SDHB: variants seen among roughly 807,000 people sequenced by gnomAD.
SDHB encodes succinate dehydrogenase complex iron sulfur subunit B.
Under a neutral mutation model 39.7 loss-of-function variants are expected in SDHB, and 21 were observed. The ratio of observed to expected loss-of-function variants is 0.53; its 90% CI spans 0.37 to 0.76. SDHB has a LOEUF of 0.76. Among genes scored for constraint, SDHB ranks in the 30% least tolerant of loss-of-function variants. SDHB has a pLI of 0.00. For missense variants in SDHB, 343 were observed against 350.9 expected (o/e 0.98, Z 0.18); for synonymous variants, 118 against 117.0 (o/e 1.01, Z -0.06).
chr1:17,029,733 T>C (rs1184557923), intron 3 of SDHB, among the ~76,000 whole-genome samples: 1 of 152,070 alleles, frequency 6.6e-6, no homozygotes, highest in Admixed American at 6.5e-5. Context: ...CTCTTCTTCT[T>C]TTTTTTTCTT....
chr1:17,022,221 G>C (rs2077965734), intron 7 of SDHB, among the ~76,000 whole-genome samples: 1 of 152,232 alleles, frequency 6.6e-6, no homozygotes, highest in African/African-American at 2.4e-5. Flanking sequence ...CTAGAGAGCA[G>C]AGCAGATTAG....
intron 2 of SDHB, among the ~76,000 whole-genome samples, chr1:17,034,553 G>C (rs1368005773): frequency 6.6e-6 from 1 of 151,814 alleles, no homozygotes; most frequent in East Asian, 1.9e-4. Context: ...GCAAATTTTT[G>C]TATTTTTAGT....
At chr1:17,032,850 C>T (rs887150415) in intron 3 of SDHB, 1 of 621,824 alleles carries the variant, frequency 1.6e-6, no homozygotes. Flanking sequence ...GGATAGAATG[C>T]TCCTGAAGGA....
rs201372280 is a variant in SDHB at position 17,028,644 on chromosome 1, T to G, written c.379A>C (p.Ile127Leu). The G allele has an allele frequency of 1.2e-6, 2 of 1,614,144 alleles. No individual in the cohort carries two copies. The highest frequency in any genetic ancestry group is 8.5e-7 in the Non-Finnish European group (1 of 1,180,008). ...IDTNLNKVSK[I>L]YPLPHMYVIK... Reference sequence around the variant, plus strand: ...ACATACATGTGTGGAAGAGGGTAGATTTTTGAGACCTTATTGAGGTTGGTG... The same window carrying G: ...ACATACATGTGTGGAAGAGGGTAGAGTTTTGAGACCTTATTGAGGTTGGTG... The change falls in exon 4 of 8, where the codon ATC (isoleucine) becomes CTC (leucine). Residue 127 changes from isoleucine to leucine, a missense_variant. Ile to Leu is a conservative substitution (Grantham distance 5). Transcript: ENST00000375499.
intron 2 of SDHB, among the ~76,000 whole-genome samples, chr1:17,039,046 T>TA (rs907352878): frequency 2.0e-5 from 3 of 152,156 alleles, no homozygotes; most frequent in Non-Finnish European, 2.9e-5. Context: ...TTGCTTTTTT[T>TA]AAAAAAATCT....
At chr1:17,022,152 G>A (rs1221218641) in intron 7 of SDHB, among the ~76,000 whole-genome samples, 4 of 152,220 alleles carry the variant, frequency 2.6e-5, no homozygotes, top group Non-Finnish European at 4.4e-5. Context: ...GAAGAGGAAC[G>A]AAAGCCAGAG....
intron 6 of SDHB, among the ~76,000 whole-genome samples, chr1:17,023,616 A>G (rs1557739818): frequency 6.6e-6 from 1 of 152,202 alleles, no homozygotes; most frequent in Admixed American, 6.5e-5. Flanking sequence ...CCCTTCAAAG[A>G]CACTGCTTTC....
At chr1:17,021,672 G>A (rs2077962693) in intron 7 of SDHB, among the ~76,000 whole-genome samples, 1 of 151,784 alleles carries the variant, frequency 6.6e-6, no homozygotes, top group Non-Finnish European at 1.5e-5. Context: ...TTGAACCTGG[G>A]AGGCGGAGGT....
chr1:17,022,634 T>C lies in SDHB; in HGVS notation c.739A>G (p.Met247Val), dbSNP rs200896502. 19 of 1,613,888 alleles carry C rather than the reference T, an allele frequency of 1.2e-5. No individual in the cohort carries two copies. Among genetic ancestry groups the C allele is most frequent in the Non-Finnish European group, 1.5e-5 (18 of 1,179,920 alleles). Reference sequence around the variant, plus strand: ...TTAGGACAGGTCCTTGTGCAGTTCATGATGGTGTGGCAGCGGTATAGAGAG... The same window carrying C: ...TTAGGACAGGTCCTTGTGCAGTTCACGATGGTGTGGCAGCGGTATAGAGAG... The part of the protein sequence containing the change: ...PFSLYRCHTI[M>V]NCTRTCPKGL... The change falls in exon 7 of 8, where the codon ATG becomes GTG. Residue 247 changes from methionine (M) to valine (V), a missense_variant. Physicochemically the swap from Met to Val is conservative, Grantham distance 21. Coordinates refer to ENST00000375499, the MANE Select transcript of SDHB (RefSeq NM_003000.3).
intron 2 of SDHB, among the ~76,000 whole-genome samples, chr1:17,042,909 G>A (rs1017944583): frequency 7.5e-6 from 1 of 133,822 alleles, no homozygotes; most frequent in South Asian, 2.5e-4. Flanking sequence ...AGTTAGAAGT[G>A]TACTTTTTTT....
chr1:17,028,643 A>C lies in SDHB; in HGVS notation c.380T>G (p.Ile127Ser), dbSNP rs786201095. 11 of 1,614,148 alleles carry C rather than the reference A, an allele frequency of 6.8e-6. No homozygotes were observed. The highest frequency in any genetic ancestry group is 9.3e-6 in the Non-Finnish European group (11 of 1,180,006). ...CACATACATGTGTGGAAGAGGGTAG[A>C]TTTTTGAGACCTTATTGAGGTTGGT... ...IDTNLNKVSK[I>S]YPLPHMYVIK... The change falls in exon 4 of 8, where the codon ATC becomes AGC. Residue 127 changes from isoleucine (I) to serine (S), a missense_variant. Transcript: ENST00000375499.
rs573231413 is a variant in SDHB at position 17,026,388 on chromosome 1, G to C, written c.540+1361C>G. ...TCTCTTTTCTTTTTTTCTTTGAGAC[G>C]GAGTCTTGCTCTGTTGCCCAGGCTG... On this transcript the variant is annotated intron_variant, in intron 5 of 7. Transcript: ENST00000375499. Among the ~76,000 whole-genome samples the C allele has an allele frequency of 4.7e-4, 72 of 152,068 alleles. 1 individual carries two copies. The highest frequency in any genetic ancestry group is 3.5e-3 in the South Asian group (17 of 4,814).
chr1:17,046,232 C>T (rs753876671), intron 1 of SDHB, among the ~76,000 whole-genome samples: 7 of 152,108 alleles, frequency 4.6e-5, no homozygotes, highest in Non-Finnish European at 7.4e-5. Context: ...TGTTTTTCAC[C>T]GGGAACCCCA....
At chr1:17,032,843 T>C (rs1241743917) in intron 3 of SDHB, 4 of 611,488 alleles carry the variant, frequency 6.5e-6, no homozygotes, top group East Asian at 5.8e-5. Context: ...AACCACAGGA[T>C]AGAATGCTCC....
At chr1:17,022,122 G>A (rs2077965076) in intron 7 of SDHB, among the ~76,000 whole-genome samples, 2 of 152,194 alleles carry the variant, frequency 1.3e-5, no homozygotes, top group African/African-American at 4.8e-5. Flanking sequence ...TGAGCCAAAA[G>A]CAGCAGCAAA....
Position 17,026,995 on chromosome 1 carries a change from T to A in SDHB, c.540+754A>T, listed in dbSNP as rs147950218. ...ACTAATATTTATGGATAAAATAACATGCGCCAGGGCCTAGGGATCCAGAAA... is the reference window on the plus strand; with the variant it reads ...ACTAATATTTATGGATAAAATAACAAGCGCCAGGGCCTAGGGATCCAGAAA... On this transcript the variant is annotated intron_variant, in intron 5 of 7. Transcript: ENST00000375499. 5.9e-5 allele frequency among the ~76,000 whole-genome samples: 9 copies of A among 152,326 alleles called. No homozygotes were observed. The East Asian group carries it at 1.7e-3, about 29-fold the overall frequency.
chr1:17,037,566 T>C (rs776270851), intron 2 of SDHB, among the ~76,000 whole-genome samples: 5 of 152,082 alleles, frequency 3.3e-5, no homozygotes, highest in Non-Finnish European at 7.4e-5. Flanking sequence ...AAGCAATTCT[T>C]GTGCCTTAGC....
intron 1 of SDHB, among the ~76,000 whole-genome samples, chr1:17,047,796 T>G (rs753314110): frequency 4.1e-4 from 62 of 152,020 alleles, no homozygotes; most frequent in Non-Finnish European, 7.6e-4. Flanking sequence ...CATCTCAGCT[T>G]CCCCAGTAGC....
chr1:17,027,619 C>T, intron 5 of SDHB, 130 bp downstream of exon 5: 1 of 750,776 alleles, frequency 1.3e-6, no homozygotes, highest in Non-Finnish European at 2.4e-6. Context: ...GTGCCCCACC[C>T]TTGTGCCAGT....
Sources: allele counts gnomAD v4.1 joint callset (sites outside exome capture counted in the v4.1 genomes callset), GRCh38; gene constraint gnomAD v4.1.1; transcripts MANE v1.5; gene names NCBI Gene and HGNC (gene_info 2026-07-23, HGNC 2026-07-21).